ITGA8: variants seen among roughly 807,000 people sequenced by gnomAD.
The protein encoded by ITGA8 is integrin subunit alpha 8, also known as integrin alpha-8.
A neutral mutation model predicts 142.3 loss-of-function variants in ITGA8; 91 were observed. The ratio of observed to expected loss-of-function variants is 0.64; its 90% CI spans 0.54 to 0.76. The LOEUF (loss-of-function observed/expected upper bound fraction) is 0.76, where lower values mean the gene tolerates loss of function less well. Among genes scored for constraint, ITGA8 ranks in the 30% least tolerant of loss-of-function variants. The pLI is 0.00. For synonymous variants in ITGA8, 505 were observed against 485.2 expected (o/e 1.04, Z -0.54); for missense variants, 1,406 against 1,327.7 (o/e 1.06, Z -0.92).
chr10:15,620,516 C>CA (rs1833469448), intron 13 of ITGA8, among the ~76,000 whole-genome samples: 1 of 152,200 alleles, frequency 6.6e-6, no homozygotes, highest in South Asian at 2.1e-4. Context: ...ACTGGCAACA[C>CA]AGGCCACAAT....
chr10:15,614,784 C>A (rs548874379), intron 14 of ITGA8, among the ~76,000 whole-genome samples: 63 of 152,138 alleles, frequency 4.1e-4, no homozygotes, highest in Non-Finnish European at 5.3e-4. Flanking sequence ...GATGGGATTC[C>A]TCCTAAGTTC....
chr10:15,562,917 G>A (rs948596141), intron 25 of ITGA8, among the ~76,000 whole-genome samples: 3 of 152,218 alleles, frequency 2.0e-5, no homozygotes, highest in African/African-American at 7.2e-5. Context: ...TGTGGGAGGT[G>A]GGGCCTGGTG....
chr10:15,613,037 T>G (rs1458878243), intron 15 of ITGA8, among the ~76,000 whole-genome samples: 1 of 152,156 alleles, frequency 6.6e-6, no homozygotes, highest in Non-Finnish European at 1.5e-5. Flanking sequence ...GGTGGGTGCC[T>G]GTAATTCCAG....
rs569028816 is a variant in ITGA8 at position 15,548,349 on chromosome 10, T to G, written c.2880+106A>C. 7 of 767,214 alleles carry G rather than the reference T, an allele frequency of 9.1e-6. No individual in the cohort carries two copies. In the East Asian group the frequency reaches 2.0e-4, roughly 22 times the overall value. The allele number at this position is 767,214 out of a possible 1,614,324, so 47.5% of individuals were successfully genotyped here. Reference sequence around the variant, plus strand: ...CTCAAGTAATCCATCTGCCTCGGACTTCCACAGTGTTAAATTAGAAATCGC... The same window carrying G: ...CTCAAGTAATCCATCTGCCTCGGACGTCCACAGTGTTAAATTAGAAATCGC... On this transcript the variant is annotated intron_variant, in intron 27 of 29. Coordinates refer to ENST00000378076, the MANE Select transcript of ITGA8 (RefSeq NM_003638.3).
At chr10:15,688,808 A>G (rs929398957) in intron 2 of ITGA8, among the ~76,000 whole-genome samples, 3 of 152,222 alleles carry the variant, frequency 2.0e-5, no homozygotes, top group Non-Finnish European at 4.4e-5. Flanking sequence ...TACTTTCAAC[A>G]TAAAAACTCT....
intron 15 of ITGA8, among the ~76,000 whole-genome samples, chr10:15,610,173 T>C (rs965435410): frequency 6.6e-5 from 10 of 152,228 alleles, no homozygotes; most frequent in African/African-American, 2.4e-4. Context: ...TGCCAGTTAA[T>C]AGATTACTTT....
chr10:15,531,325 C>T (rs1297223615), intron 27 of ITGA8, among the ~76,000 whole-genome samples, 174 bp from the exon 28 acceptor site: 1 of 126,996 alleles, frequency 7.9e-6, no homozygotes, highest in Non-Finnish European at 1.8e-5. Context: ...CATCCATCCA[C>T]CCACACATCC....
chr10:15,662,759 A>T (rs1834313895), intron 8 of ITGA8, among the ~76,000 whole-genome samples: 1 of 152,214 alleles, frequency 6.6e-6, no homozygotes, highest in Admixed American at 6.5e-5. Context: ...TGCAGCTTAG[A>T]AAGGTTCTAT....
At chr10:15,581,367 G>C (rs1834404107) in intron 23 of ITGA8, among the ~76,000 whole-genome samples, 1 of 152,244 alleles carries the variant, frequency 6.6e-6, no homozygotes, top group African/African-American at 2.4e-5. Context: ...CCACAGGGGA[G>C]AAGGATGGAA....
In ITGA8 at chr10:15,719,838, G is replaced by T; in HGVS notation, c.-67C>A. 5 of 1,189,164 alleles carry T rather than the reference G, an allele frequency of 4.2e-6. No individual in the cohort carries two copies. The allele number at this position is 1,189,164 out of a possible 1,614,324, so 73.7% of individuals were successfully genotyped here. A position where few individuals can be genotyped will look rare whatever the true frequency, so the allele number is the denominator to read the frequency against. ...GCCGAGGACCCCTGCGGGGCAAGGG[G>T]GGCTGGTGGAATCTGGCGGTCCCCA... On this transcript the variant is annotated 5_prime_UTR_variant, in exon 1 of 30. Coordinates refer to ENST00000378076, the MANE Select transcript of ITGA8 (RefSeq NM_003638.3).
intron 2 of ITGA8, among the ~76,000 whole-genome samples, chr10:15,706,916 G>A (rs529309868): frequency 2.7e-4 from 41 of 152,128 alleles, no homozygotes; most frequent in Middle Eastern, 6.8e-3. Flanking sequence ...CTCTTGCCCC[G>A]ATTTGCTTTT....
intron 13 of ITGA8, among the ~76,000 whole-genome samples, chr10:15,635,586 T>C (rs1429763420): frequency 6.6e-6 from 1 of 152,182 alleles, no homozygotes; most frequent in Admixed American, 6.5e-5. Context: ...ACTCCTCAAT[T>C]GAAGTCCAAG....
In ITGA8 at chr10:15,719,870, C is replaced by G. The variant is rs569516780; in HGVS notation, c.-99G>C. On this transcript the variant is annotated 5_prime_UTR_variant, in exon 1 of 30. Transcript: ENST00000378076. Reference sequence around the variant, plus strand: ...TGGAATCTGGCGGTCCCCAGCTGCCCGTGTCCCGGGTCGGTGCGCTCGGCG... The same window carrying G: ...TGGAATCTGGCGGTCCCCAGCTGCCGGTGTCCCGGGTCGGTGCGCTCGGCG... 1 of 954,044 alleles carries G rather than the reference C, an allele frequency of 1.0e-6. No individual in the cohort carries two copies. Among genetic ancestry groups the G allele is most frequent in the South Asian group, 3.8e-5 (1 of 26,242 alleles). 59.1% of individuals were successfully genotyped at this position (954,044 alleles called of 1,614,324 possible). A position where few individuals can be genotyped will look rare whatever the true frequency, so the allele number is the denominator to read the frequency against.
intron 2 of ITGA8, 112 bp downstream of exon 2, chr10:15,718,654 A>T (rs1835498088): frequency 7.5e-7 from 1 of 1,339,946 alleles, no homozygotes; most frequent in Non-Finnish European, 1.0e-6. Flanking sequence ...CAATACGGAC[A>T]TATCAGACAA....
intron 2 of ITGA8, among the ~76,000 whole-genome samples, chr10:15,716,010 C>T (rs550870899): frequency 6.6e-6 from 1 of 152,220 alleles, no homozygotes; most frequent in African/African-American, 2.4e-5. Context: ...GCCCATAGTA[C>T]CCCCTGATGG....
intron 27 of ITGA8, among the ~76,000 whole-genome samples, chr10:15,532,230 C>G (rs938282225): frequency 2.0e-5 from 3 of 151,774 alleles, no homozygotes; most frequent in African/African-American, 4.8e-5. Flanking sequence ...CCAGCCTGAC[C>G]AGGATGGTGA....
chr10:15,648,530 T>G (rs2131656285), intron 11 of ITGA8, among the ~76,000 whole-genome samples: 1 of 150,738 alleles, frequency 6.6e-6, no homozygotes, highest in South Asian at 2.1e-4. Context: ...TATACAAAAA[T>G]TAAGATATAT....
At chr10:15,663,375 C>T (rs545436476) in intron 8 of ITGA8, among the ~76,000 whole-genome samples, 59 of 151,958 alleles carry the variant, frequency 3.9e-4, no homozygotes, top group Admixed American at 9.2e-4. Context: ...TTTTAGATAG[C>T]CTCAAAACAC....
chr10:15,683,783 C>T (rs1834785318), intron 4 of ITGA8, among the ~76,000 whole-genome samples: 1 of 152,236 alleles, frequency 6.6e-6, no homozygotes, highest in South Asian at 2.1e-4. Flanking sequence ...TATCTTAAAT[C>T]AGAAATGTTC....
Sources: allele counts gnomAD v4.1 joint callset (sites outside exome capture counted in the v4.1 genomes callset), GRCh38; gene constraint gnomAD v4.1.1; transcripts MANE v1.5; gene names NCBI Gene and HGNC (gene_info 2026-07-23, HGNC 2026-07-21).